Variants in CNTNAP5 observed in about 807,000 individuals in gnomAD.
CNTNAP5 encodes the protein contactin-associated protein-like 5.
In CNTNAP5, 72 loss-of-function variants were observed where a neutral mutation model predicts 150.2. The ratio of observed to expected loss-of-function variants is 0.48; its 90% CI spans 0.40 to 0.58. CNTNAP5 has a LOEUF of 0.58. Ranked by LOEUF, CNTNAP5 falls within the 20% of genes least tolerant of loss-of-function variation. CNTNAP5 has a pLI of 0.00. For missense variants in CNTNAP5, 1,636 were observed against 1,626.2 expected (o/e 1.01, Z -0.10); for synonymous variants, 672 against 619.8 (o/e 1.08, Z -1.25).
At chr2:124,734,378 G>A (rs991256121) in intron 13 of CNTNAP5, among the ~76,000 whole-genome samples, 8 of 152,238 alleles carry the variant, frequency 5.3e-5, no homozygotes, top group African/African-American at 1.9e-4. Context: ...CTTTGTGTGT[G>A]TGTGTGAAGC....
rs79901448 is a variant in CNTNAP5, at chr2:124,446,141, G to A, written c.734-612G>A. 1.1e-3 allele frequency among the ~76,000 whole-genome samples: 166 copies of A among 152,224 alleles called. 1 individual carries two copies. The East Asian group carries it at 0.021, about 19-fold the overall frequency. The stretch of plus-strand genomic sequence containing the variant: ...GCAAACCTAGATTCAAGTTCTGACC[G>A]TACCTGAGGCATGCATGTCTCACCT... On this transcript the variant is annotated intron_variant, in intron 5 of 23. Coordinates refer to ENST00000682447, the MANE Select transcript of CNTNAP5 (RefSeq NM_001367498.1).
chr2:124,370,095 C>T (rs1366326937), intron 3 of CNTNAP5, among the ~76,000 whole-genome samples: 1 of 152,018 alleles, frequency 6.6e-6, no homozygotes, highest in East Asian at 1.9e-4. Context: ...TCTAGAGATG[C>T]AAAATAAATT....
chr2:124,706,788 GAAGAAGA>G (rs1558742963), intron 13 of CNTNAP5, among the ~76,000 whole-genome samples: 15 of 35,566 alleles, frequency 4.2e-4, no homozygotes, highest in Non-Finnish European at 6.0e-4. Context: ...AGAAGAAGAA[GAAGAAGA>G]AGGAGGAGGA....
At chr2:124,797,583 A>G (rs796304947) in intron 18 of CNTNAP5, among the ~76,000 whole-genome samples, 12 of 152,340 alleles carry the variant, frequency 7.9e-5, no homozygotes, top group African/African-American at 2.9e-4. Flanking sequence ...ATTTACCAAC[A>G]TCATAGAGAA....
At chr2:124,420,794 C>T (rs1692084221) in intron 4 of CNTNAP5, among the ~76,000 whole-genome samples, 1 of 152,136 alleles carries the variant, frequency 6.6e-6, no homozygotes, top group South Asian at 2.1e-4. Flanking sequence ...GTACTTCAGG[C>T]ACGTTTAACC....
At chr2:124,421,335 C>T (rs1247012422) in intron 4 of CNTNAP5, among the ~76,000 whole-genome samples, 3 of 152,188 alleles carry the variant, frequency 2.0e-5, no homozygotes, top group Non-Finnish European at 4.4e-5. Flanking sequence ...GCAACCTGCT[C>T]TTCTCTAACA....
chr2:124,418,919 G>A (rs1221829174), intron 4 of CNTNAP5, among the ~76,000 whole-genome samples: 1 of 151,322 alleles, frequency 6.6e-6, no homozygotes, highest in African/African-American at 2.4e-5. Flanking sequence ...TGGATCACGA[G>A]GTCAGGAGAT....
At chr2:124,827,222 C>T (rs1244083645) in intron 19 of CNTNAP5, among the ~76,000 whole-genome samples, 1 of 152,146 alleles carries the variant, frequency 6.6e-6, no homozygotes, top group Admixed American at 6.6e-5. Context: ...CCGCACCTGG[C>T]CTACAAAGAT....
chr2:124,689,963 A>T (rs553196898), intron 13 of CNTNAP5, among the ~76,000 whole-genome samples: 1 of 151,916 alleles, frequency 6.6e-6, no homozygotes, highest in East Asian at 1.9e-4. Flanking sequence ...CCAAAAGGGG[A>T]AGTTCTGTTC....
At chr2:124,442,889 T>G (rs890223424) in intron 5 of CNTNAP5, among the ~76,000 whole-genome samples, 2 of 152,110 alleles carry the variant, frequency 1.3e-5, no homozygotes, top group Non-Finnish European at 2.9e-5. Flanking sequence ...ATATTAAAAT[T>G]TCAGAAATGC....
intron 21 of CNTNAP5, among the ~76,000 whole-genome samples, chr2:124,872,753 G>T (rs1330149294): frequency 6.6e-6 from 1 of 151,606 alleles, no homozygotes; most frequent in Non-Finnish European, 1.5e-5. Context: ...CTTTTTCATG[G>T]CCCCTGCTCT....
intron 4 of CNTNAP5, among the ~76,000 whole-genome samples, chr2:124,420,397 T>C (rs1250192922): frequency 6.6e-6 from 1 of 152,078 alleles, no homozygotes; most frequent in African/African-American, 2.4e-5. Context: ...TCCTCCTCTC[T>C]CCTGTTCACA....
chr2:124,704,085 AGGT>A (rs1679581994), intron 13 of CNTNAP5, among the ~76,000 whole-genome samples: 1 of 152,204 alleles, frequency 6.6e-6, no homozygotes, highest in Non-Finnish European at 1.5e-5. Context: ...AAAACACAGA[AGGT>A]CAAGGATTTC....
At chr2:124,245,885 C>A (rs1402470813) in intron 3 of CNTNAP5, among the ~76,000 whole-genome samples, 1 of 151,924 alleles carries the variant, frequency 6.6e-6, no homozygotes, top group African/African-American at 2.4e-5. Context: ...CATGCACCAC[C>A]ACATCTGGCT....
chr2:124,527,275 T>C lies in CNTNAP5; in HGVS notation c.1478-10T>C, dbSNP rs1015070390. 6.2e-7 allele frequency: 1 copy of C among 1,606,670 alleles called. No individual in the cohort carries two copies. Among genetic ancestry groups the C allele is most frequent in the Non-Finnish European group, 8.5e-7 (1 of 1,176,574 alleles). ...AGCATTCTTCTTCATCTTTTTTCTC[T>C]GTCCCACAGGGTGCCCCGACAATCT... On this transcript the variant is annotated splice_polypyrimidine_tract_variant and intron_variant, in intron 9 of 23. Transcript: ENST00000682447.
At chr2:124,737,978 T>G (rs116856668) in intron 13 of CNTNAP5, among the ~76,000 whole-genome samples, 1 of 152,334 alleles carries the variant, frequency 6.6e-6, no homozygotes, top group African/African-American at 2.4e-5. Context: ...CTGGATGTTT[T>G]TATTAGTATC....
chr2:124,542,915 T>G (rs1248984979), intron 10 of CNTNAP5, among the ~76,000 whole-genome samples: 1 of 152,226 alleles, frequency 6.6e-6, no homozygotes, highest in East Asian at 1.9e-4. Context: ...CTCTTGGTTT[T>G]GGGCAAGTAT....
intron 20 of CNTNAP5, among the ~76,000 whole-genome samples, chr2:124,866,892 G>T (rs1046071984): frequency 6.6e-6 from 1 of 152,118 alleles, no homozygotes; most frequent in African/African-American, 2.4e-5. Flanking sequence ...TCTTAACTCT[G>T]AGCAGATGAC....
intron 21 of CNTNAP5, among the ~76,000 whole-genome samples, chr2:124,902,368 G>T (rs142203343): frequency 6.6e-6 from 1 of 152,210 alleles, no homozygotes; most frequent in African/African-American, 2.4e-5. Context: ...CTACACAGGT[G>T]GCTTAAAATA....
Sources: gnomAD v4.1 joint callset for allele counts (sites outside exome capture counted in the v4.1 genomes callset) on GRCh38, gnomAD v4.1.1 for gene constraint, MANE v1.5 for transcripts, NCBI Gene and HGNC (gene_info 2026-07-23, HGNC 2026-07-21) for gene names.